TENM3: variants seen among roughly 807,000 people sequenced by gnomAD.
The protein encoded by TENM3 is teneurin transmembrane protein 3.
In TENM3, 63 loss-of-function variants were observed where a neutral mutation model predicts 255.1. The observed-to-expected ratio is 0.25, with a 90% CI of 0.20 to 0.30. The LOEUF is 0.30. Among genes scored for constraint, TENM3 ranks in the 10% least tolerant of loss-of-function variants. The pLI, the probability that TENM3 is intolerant of heterozygous loss-of-function variation, is 1.00. For missense variants in TENM3, 2,929 were observed against 3,461.1 expected (o/e 0.85, Z 3.86); for synonymous variants, 1,306 against 1,322.3 (o/e 0.99, Z 0.27).
chr4:181,727,698 C>T, the TENM3 span, among the ~76,000 whole-genome samples: 1 of 152,128 alleles, frequency 6.6e-6, no homozygotes, highest in Non-Finnish European at 1.5e-5. Flanking sequence ...ATTTGAGAAT[C>T]GAGAACATAA....
the TENM3 span, among the ~76,000 whole-genome samples, chr4:182,069,987 G>C: frequency 6.6e-6 from 1 of 152,134 alleles, no homozygotes; most frequent in Admixed American, 6.6e-5. Flanking sequence ...TCATACTTGA[G>C]GTGATTATTA....
intron 4 of TENM3, among the ~76,000 whole-genome samples, chr4:182,603,498 C>CA (rs901098082): frequency 5.3e-5 from 8 of 152,082 alleles, no homozygotes; most frequent in Non-Finnish European, 1.2e-4. Flanking sequence ...TTGCAGTACT[C>CA]AGTGAGTGAA....
the TENM3 span, among the ~76,000 whole-genome samples, chr4:181,515,338 A>G: frequency 0.18 from 27,186 of 151,992 alleles, 2,966 homozygotes; most frequent in African/African-American, 0.3. Flanking sequence ...AGTTTATTGC[A>G]TTCACTGAAG....
the TENM3 span, among the ~76,000 whole-genome samples, chr4:181,921,198 G>T: frequency 1.3e-5 from 2 of 152,148 alleles, no homozygotes; most frequent in African/African-American, 4.8e-5. Context: ...TTTGGCTTAG[G>T]ATTGACTTGG....
chr4:182,389,120 T>C (rs2150969117), intron 3 of TENM3, among the ~76,000 whole-genome samples: 1 of 152,346 alleles, frequency 6.6e-6, no homozygotes, highest in East Asian at 1.9e-4. Context: ...AAATCTCTTT[T>C]CTTGTTTAAA....
intron 24 of TENM3, among the ~76,000 whole-genome samples, chr4:182,775,459 A>C (rs1387795555): frequency 1.3e-5 from 2 of 152,182 alleles, no homozygotes; most frequent in Non-Finnish European, 2.9e-5. Flanking sequence ...GGTCACTTTC[A>C]CAGAGCTATG....
the TENM3 span, among the ~76,000 whole-genome samples, chr4:181,523,592 G>A: frequency 3.9e-5 from 6 of 152,052 alleles, no homozygotes; most frequent in Non-Finnish European, 8.8e-5. Context: ...TACATTCTCT[G>A]GGTGTCACTT....
chr4:182,401,680 T>A (rs1469760799), intron 3 of TENM3, among the ~76,000 whole-genome samples: 1 of 152,222 alleles, frequency 6.6e-6, no homozygotes, highest in African/African-American at 2.4e-5. Context: ...TATTTCATAG[T>A]GTGAATTTCT....
chr4:181,449,063 G>T, the TENM3 span, among the ~76,000 whole-genome samples: 1 of 152,128 alleles, frequency 6.6e-6, no homozygotes, highest in African/African-American at 2.4e-5. Context: ...GGTGTTATTG[G>T]AATGGAAATG....
chr4:181,729,458 A>G, the TENM3 span, among the ~76,000 whole-genome samples: 6 of 152,018 alleles, frequency 3.9e-5, no homozygotes, highest in Non-Finnish European at 8.8e-5. Context: ...AACTAATGAG[A>G]GCTCATGATG....
At chr4:181,849,301 T>C in the TENM3 span, among the ~76,000 whole-genome samples, 1 of 152,354 alleles carries the variant, frequency 6.6e-6, no homozygotes, top group South Asian at 2.1e-4. Flanking sequence ...GAGAAAGATG[T>C]GAGAGTTTAC....
At chr4:182,381,421 A>C (rs1767557306) in intron 3 of TENM3, among the ~76,000 whole-genome samples, 1 of 152,242 alleles carries the variant, frequency 6.6e-6, no homozygotes, top group Non-Finnish European at 1.5e-5. Flanking sequence ...TAATCATTAA[A>C]GAAAAAATAA....
chr4:182,661,742 T>A (rs1175364965), intron 6 of TENM3, among the ~76,000 whole-genome samples: 1 of 152,212 alleles, frequency 6.6e-6, no homozygotes, highest in Non-Finnish European at 1.5e-5. Context: ...ACTGATTGTC[T>A]ACAAATGCCC....
the TENM3 span, among the ~76,000 whole-genome samples, chr4:181,464,953 C>CA: frequency 1.3e-5 from 2 of 150,922 alleles, no homozygotes; most frequent in Non-Finnish European, 3.0e-5. Context: ...AATCACATCT[C>CA]AAAAAAAAGA....
the TENM3 span, among the ~76,000 whole-genome samples, chr4:181,781,531 G>A: frequency 6.6e-6 from 1 of 152,078 alleles, no homozygotes; most frequent in Non-Finnish European, 1.5e-5. Flanking sequence ...GAGATGATGG[G>A]GTTTTCTAAA....
chr4:182,591,609 T>C (rs1746658292), intron 3 of TENM3, among the ~76,000 whole-genome samples: 1 of 152,218 alleles, frequency 6.6e-6, no homozygotes, highest in Non-Finnish European at 1.5e-5. Context: ...ATATTTACGG[T>C]GGTGAAAATT....
chr4:181,522,758 G>A, the TENM3 span: 2 of 732,762 alleles, frequency 2.7e-6, no homozygotes, highest in Admixed American at 1.8e-5. Flanking sequence ...AAATGGACCT[G>A]AGAGTAAATG....
the TENM3 span, among the ~76,000 whole-genome samples, chr4:181,697,634 C>T: frequency 0.27 from 40,364 of 151,782 alleles, 6,141 homozygotes; most frequent in Admixed American, 0.46. Flanking sequence ...CCTCGTGATC[C>T]GCCTGCCTTG....
At chr4:182,467,389 C>G (rs1732696280) in intron 3 of TENM3, among the ~76,000 whole-genome samples, 1 of 152,120 alleles carries the variant, frequency 6.6e-6, no homozygotes, top group South Asian at 2.1e-4. Context: ...AGTGGCAAAA[C>G]TGATACCATA....
Sources: gnomAD v4.1 joint callset for allele counts (sites outside exome capture counted in the v4.1 genomes callset) on GRCh38, gnomAD v4.1.1 for gene constraint, MANE v1.5 for transcripts, NCBI Gene and HGNC (gene_info 2026-07-23, HGNC 2026-07-21) for gene names.